Variants in KCNH5 observed in about 807,000 individuals in gnomAD.
KCNH5 encodes potassium voltage-gated channel subfamily H member 5, also known as voltage-gated delayed rectifier potassium channel KCNH5.
In KCNH5, 46 loss-of-function variants were observed where a neutral mutation model predicts 96.1. The ratio of observed to expected loss-of-function variants is 0.48; its 90% CI spans 0.38 to 0.61. The LOEUF (loss-of-function observed/expected upper bound fraction) is 0.61. Among genes scored for constraint, KCNH5 ranks in the 20% least tolerant of loss-of-function variants. The pLI, the probability that KCNH5 is intolerant of heterozygous loss-of-function variation, is 0.00. For missense variants in KCNH5, 907 were observed against 1,225.8 expected (o/e 0.74, Z 3.88); for synonymous variants, 439 against 449.8 (o/e 0.98, Z 0.30).
intron 7 of KCNH5, among the ~76,000 whole-genome samples, chr14:62,896,805 C>T (rs547814701): frequency 2.0e-5 from 3 of 152,250 alleles, no homozygotes; most frequent in South Asian, 2.1e-4. Context: ...ATAATCTCAA[C>T]GGAATATTTA....
chr14:62,794,817 T>C (rs1030669605), intron 9 of KCNH5, among the ~76,000 whole-genome samples: 3 of 152,170 alleles, frequency 2.0e-5, no homozygotes, highest in African/African-American at 4.8e-5. Flanking sequence ...CTTAAATGTT[T>C]ATGTATTAAT....
chr14:63,014,849 A>C (rs1465029366), intron 2 of KCNH5, among the ~76,000 whole-genome samples: 1 of 152,124 alleles, frequency 6.6e-6, no homozygotes, highest in Admixed American at 6.6e-5. Context: ...CAGCAGTCCA[A>C]GAATAAGAAA....
intron 9 of KCNH5, among the ~76,000 whole-genome samples, chr14:62,784,484 G>T (rs779717119): frequency 7.2e-5 from 11 of 152,074 alleles, no homozygotes; most frequent in Non-Finnish European, 1.5e-4. Context: ...GGATTTAAGT[G>T]GTGTGTTTAT....
chr14:62,870,459 T>C (rs12586807), intron 7 of KCNH5, among the ~76,000 whole-genome samples: 17,403 of 152,246 alleles, frequency 0.11, 1,232 homozygotes, highest in East Asian at 0.27. Context: ...AGTAGTCATG[T>C]CCTAATGGCA....
At chr14:63,001,270 A>T in intron 4 of KCNH5, 61 bp downstream of exon 4, 2 of 1,473,542 alleles carry the variant, frequency 1.4e-6, no homozygotes, top group Non-Finnish European at 1.8e-6. Flanking sequence ...GAGGTAAAAC[A>T]GTAAGAAGAT....
At chr14:62,762,886 C>T (rs1330089312) in intron 10 of KCNH5, among the ~76,000 whole-genome samples, 1 of 152,178 alleles carries the variant, frequency 6.6e-6, no homozygotes, top group Middle Eastern at 3.2e-3. Context: ...CACTCAAATT[C>T]ATAGAACAAG....
intron 4 of KCNH5, among the ~76,000 whole-genome samples, chr14:62,990,781 G>T (rs1264521207): frequency 1.3e-5 from 2 of 152,054 alleles, no homozygotes; most frequent in African/African-American, 4.8e-5. Context: ...AAGGAAAGAG[G>T]TTTAATTGAC....
chr14:62,877,484 A>C (rs1742653201), intron 7 of KCNH5, among the ~76,000 whole-genome samples: 1 of 152,212 alleles, frequency 6.6e-6, no homozygotes, highest in Non-Finnish European at 1.5e-5. Flanking sequence ...CAATGAACTC[A>C]AACAAATTTA....
chr14:62,725,112 TC>T (rs1884895464), intron 10 of KCNH5, among the ~76,000 whole-genome samples: 1 of 152,188 alleles, frequency 6.6e-6, no homozygotes. Flanking sequence ...TGTTACCAAA[TC>T]CAACGTTTAA....
At chr14:62,839,176 CA>C in intron 8 of KCNH5, among the ~76,000 whole-genome samples, 1 of 152,182 alleles carries the variant, frequency 6.6e-6, no homozygotes, top group South Asian at 2.1e-4. Context: ...CAAAATCATA[CA>C]GATAAATGTG....
At chr14:62,938,634 A>G (rs1269009379) in intron 7 of KCNH5, among the ~76,000 whole-genome samples, 1 of 152,248 alleles carries the variant, frequency 6.6e-6, no homozygotes, top group Non-Finnish European at 1.5e-5. Context: ...ATGTCAATTG[A>G]TGGATATCAC....
chr14:62,828,856 T>G (rs1887282036), intron 8 of KCNH5, among the ~76,000 whole-genome samples: 1 of 151,866 alleles, frequency 6.6e-6, no homozygotes, highest in Non-Finnish European at 1.5e-5. Context: ...AAAACCCAAG[T>G]CCAAAGTCTC....
chr14:62,734,593 T>A (rs903784703), intron 10 of KCNH5, among the ~76,000 whole-genome samples: 2 of 152,060 alleles, frequency 1.3e-5, no homozygotes, highest in African/African-American at 4.8e-5. Flanking sequence ...AATCCCCACA[T>A]ACACTAGCAT....
In KCNH5 at chr14:62,704,373, C is replaced by G. The variant is rs567187159; in HGVS notation, c.*3135G>C. On this transcript the variant is annotated 3_prime_UTR_variant, in exon 11 of 11. Transcript: ENST00000322893. ...ACTGTGCCTGAACCATTTTCAGTAC[C>G]ATTCATATAGCTTTGGTATTGTCAT... 9 of 151,998 alleles carry G rather than the reference C, an allele frequency of 5.9e-5. 1 individual carries two copies. The South Asian group carries it at 1.9e-3, about 32-fold the overall frequency. 9.4% of individuals were successfully genotyped at this position (151,998 alleles called of 1,614,324 possible).
At chr14:62,956,439 T>G (rs564322655) in intron 6 of KCNH5, among the ~76,000 whole-genome samples, 2 of 152,202 alleles carry the variant, frequency 1.3e-5, no homozygotes, top group East Asian at 3.9e-4. Context: ...CACTAGGTGG[T>G]TCACTTTGTG....
chr14:62,740,860 C>T (rs1885257676), intron 10 of KCNH5, among the ~76,000 whole-genome samples: 2 of 152,132 alleles, frequency 1.3e-5, no homozygotes, highest in Non-Finnish European at 2.9e-5. Flanking sequence ...AACTGATTAG[C>T]TTCGAGCAGC....
intron 8 of KCNH5, among the ~76,000 whole-genome samples, chr14:62,820,599 T>C (rs1887095005): frequency 6.6e-6 from 1 of 152,172 alleles, no homozygotes; most frequent in South Asian, 2.1e-4. Context: ...TATTTGGTTT[T>C]CTGTTTCTGC....
intron 10 of KCNH5, among the ~76,000 whole-genome samples, chr14:62,716,835 A>G (rs1218900330): frequency 6.6e-6 from 1 of 152,212 alleles, no homozygotes; most frequent in Non-Finnish European, 1.5e-5. Context: ...AGATATCCAG[A>G]ATAGAAAGGA....
At chr14:62,937,451 C>G (rs1049771656) in intron 7 of KCNH5, among the ~76,000 whole-genome samples, 1 of 152,146 alleles carries the variant, frequency 6.6e-6, no homozygotes, top group Non-Finnish European at 1.5e-5. Context: ...CTATCCTGTC[C>G]TATAAGGCCC....
Sources: allele counts gnomAD v4.1 joint callset (sites outside exome capture counted in the v4.1 genomes callset), GRCh38; gene constraint gnomAD v4.1.1; transcripts MANE v1.5; gene names NCBI Gene and HGNC (gene_info 2026-07-23, HGNC 2026-07-21).